The following FARS2 variants were observed in gnomAD, a reference collection of about 807,000 sequenced individuals.
FARS2 encodes the protein phenylalanine--tRNA ligase, mitochondrial.
Under a neutral mutation model 46.4 loss-of-function variants are expected in FARS2, and 40 were observed. The ratio of observed to expected loss-of-function variants is 0.86; its 90% CI spans 0.67 to 1.12. The LOEUF is 1.12. Ranked by LOEUF, FARS2 falls within the 50% of genes most tolerant of loss-of-function variation. The pLI is 0.00. For synonymous variants in FARS2, 234 were observed against 214.9 expected (o/e 1.09, Z -0.78); for missense variants, 513 against 567.9 (o/e 0.90, Z 0.98).
intron 5 of FARS2, among the ~76,000 whole-genome samples, chr6:5,562,469 C>G (rs1340308699): frequency 6.6e-6 from 1 of 152,074 alleles, no homozygotes; most frequent in South Asian, 2.1e-4. Context: ...AGCATCATGA[C>G]AGGATGTTGA....
intron 6 of FARS2, among the ~76,000 whole-genome samples, chr6:5,687,712 G>C (rs931675881): frequency 1.3e-5 from 2 of 152,170 alleles, no homozygotes; most frequent in African/African-American, 4.8e-5. Context: ...GAACTTTAAA[G>C]TAGTTTTTTT....
At chr6:5,738,657 T>A (rs1276092726) in intron 6 of FARS2, among the ~76,000 whole-genome samples, 1 of 152,206 alleles carries the variant, frequency 6.6e-6, no homozygotes, top group Non-Finnish European at 1.5e-5. Context: ...GTAAAATGTT[T>A]TTATTAAAGG....
chr6:5,351,681 A>AT (rs70974195), intron 1 of FARS2, among the ~76,000 whole-genome samples: 2,552 of 152,254 alleles, frequency 0.017, 49 homozygotes, highest in Admixed American at 0.048. Flanking sequence ...CTCTTCTGGT[A>AT]TTTTTTTATA....
Position 5,744,933 on chromosome 6 carries a change from T to C in FARS2, c.1218-26358T>C, listed in dbSNP as rs565738529. 1.8e-4 allele frequency among the ~76,000 whole-genome samples: 28 copies of C among 152,346 alleles called. 1 individual carries two copies. In the South Asian group the frequency reaches 5.8e-3, roughly 32 times the overall value. On this transcript the variant is annotated intron_variant, in intron 6 of 6. Coordinates refer to ENST00000274680, the MANE Select transcript of FARS2 (RefSeq NM_006567.5). The stretch of plus-strand genomic sequence containing the variant: ...CTGTTTGGATTTGGCAATTAAATGT[T>C]GGTGGCAAAGGAAATCAAGATGATC...
At chr6:5,269,647 A>G (rs1765805898) in intron 1 of FARS2, among the ~76,000 whole-genome samples, 1 of 152,178 alleles carries the variant, frequency 6.6e-6, no homozygotes, top group African/African-American at 2.4e-5. Flanking sequence ...TACAGAAAAC[A>G]TTTAGAATTT....
intron 6 of FARS2, among the ~76,000 whole-genome samples, chr6:5,755,266 T>C (rs1472595951): frequency 3.3e-5 from 5 of 152,208 alleles, no homozygotes; most frequent in Non-Finnish European, 1.5e-5. Flanking sequence ...TTCTTACACA[T>C]GCCATGGTGG....
chr6:5,443,615 A>G (rs960261624), intron 4 of FARS2, among the ~76,000 whole-genome samples: 1 of 152,220 alleles, frequency 6.6e-6, no homozygotes, highest in African/African-American at 2.4e-5. Flanking sequence ...AGTAAGAAGC[A>G]TGTGGAGTGG....
intron 4 of FARS2, among the ~76,000 whole-genome samples, chr6:5,522,918 G>T (rs1052592687): frequency 1.3e-5 from 2 of 152,174 alleles, no homozygotes; most frequent in Admixed American, 6.5e-5. Context: ...TTAGCTAGAG[G>T]CATAAGGAGA....
intron 5 of FARS2, among the ~76,000 whole-genome samples, chr6:5,564,198 T>G (rs1305894694): frequency 6.6e-6 from 1 of 152,200 alleles, no homozygotes; most frequent in East Asian, 1.9e-4. Flanking sequence ...AGGACAGCAA[T>G]TCCCACAAGT....
At chr6:5,271,992 A>G (rs1380004269) in intron 1 of FARS2, among the ~76,000 whole-genome samples, 1 of 152,218 alleles carries the variant, frequency 6.6e-6, no homozygotes, top group Non-Finnish European at 1.5e-5. Context: ...TTAGTTACCC[A>G]GAGTCAACTA....
At chr6:5,403,482 T>A (rs546574648) in intron 2 of FARS2, among the ~76,000 whole-genome samples, 9 of 152,310 alleles carry the variant, frequency 5.9e-5, no homozygotes, top group African/African-American at 2.2e-4. Context: ...CTCTCAATGC[T>A]TCTCTCTGGC....
chr6:5,261,737 T>A (rs1263187435), intron 1 of FARS2, 77 bp downstream of exon 1: 1 of 152,274 alleles, frequency 6.6e-6, no homozygotes, highest in Non-Finnish European at 1.5e-5. Context: ...TGGCCGTGGA[T>A]TTTTTCCTCT....
chr6:5,260,791 A>G (rs1191096399), upstream of FARS2: 2 of 1,533,914 alleles, frequency 1.3e-6, no homozygotes, highest in Non-Finnish European at 1.7e-6. Context: ...GTACGACCCA[A>G]CCCACGAAAC....
intron 6 of FARS2, among the ~76,000 whole-genome samples, chr6:5,631,360 C>A (rs894872272): frequency 1.3e-5 from 2 of 152,132 alleles, no homozygotes; most frequent in Non-Finnish European, 2.9e-5. Flanking sequence ...AGATCAAATT[C>A]TCAAGACAAC....
intron 6 of FARS2, among the ~76,000 whole-genome samples, chr6:5,690,259 G>T (rs995715243): frequency 2.4e-4 from 36 of 152,238 alleles, no homozygotes; most frequent in African/African-American, 7.0e-4. Flanking sequence ...GCTGGTTATT[G>T]TGCTCGTTAG....
intron 1 of FARS2, among the ~76,000 whole-genome samples, chr6:5,327,604 T>C (rs1770491725): frequency 6.6e-6 from 1 of 152,340 alleles, no homozygotes; most frequent in South Asian, 2.1e-4. Context: ...CCTTCTGCCA[T>C]GATCGTGAGG....
intron 6 of FARS2, among the ~76,000 whole-genome samples, chr6:5,653,444 G>A (rs754392825): frequency 1.3e-5 from 2 of 152,194 alleles, no homozygotes; most frequent in African/African-American, 4.8e-5. Flanking sequence ...CTACTACATG[G>A]AAGGCGTTGG....
At chr6:5,761,195 T>C (rs1762460605) in intron 6 of FARS2, among the ~76,000 whole-genome samples, 1 of 152,164 alleles carries the variant, frequency 6.6e-6, no homozygotes, top group Non-Finnish European at 1.5e-5. Flanking sequence ...TTGTCTATGG[T>C]CCATGCCATT....
rs1760261221 is a variant in FARS2, at chr6:5,726,428, T to C, written c.1218-44863T>C. Among the ~76,000 whole-genome samples, 2 of 152,136 alleles carry C rather than the reference T, an allele frequency of 1.3e-5. 1 individual carries two copies. Among genetic ancestry groups the C allele is most frequent in the South Asian group, 4.2e-4 (2 of 4,806 alleles). The stretch of plus-strand genomic sequence containing the variant: ...ATTTAGGCAATGATGATAAATGAAA[T>C]AAAGCCTGAAACCACACATGCATGA... On this transcript the variant is annotated intron_variant, in intron 6 of 6. Coordinates refer to ENST00000274680, the MANE Select transcript of FARS2 (RefSeq NM_006567.5).
Sources: allele counts gnomAD v4.1 joint callset (sites outside exome capture counted in the v4.1 genomes callset), GRCh38; gene constraint gnomAD v4.1.1; transcripts MANE v1.5; gene names NCBI Gene and HGNC (gene_info 2026-07-23, HGNC 2026-07-21).